TMTC4: variants seen among roughly 807,000 people sequenced by gnomAD.
TMTC4 encodes the protein transmembrane O-mannosyltransferase targeting cadherins 4, also known as protein O-mannosyl-transferase TMTC4.
Under a neutral mutation model 86.0 loss-of-function variants are expected in TMTC4, and 65 were observed. The observed-to-expected ratio is 0.76, with a 90% CI of 0.62 to 0.93. The LOEUF is 0.93. Among genes scored for constraint, TMTC4 ranks in the 40% least tolerant of loss-of-function variants. TMTC4 has a pLI of 0.00. For missense variants in TMTC4, 866 were observed against 948.1 expected (o/e 0.91, Z 1.14); for synonymous variants, 379 against 382.5 (o/e 0.99, Z 0.11).
At chr13:100,632,053 A>ACACTCTCTCTCTCTCTCTCTCT (rs1296569630) in intron 12 of TMTC4, among the ~76,000 whole-genome samples, 14 of 43,102 alleles carry the variant, frequency 3.2e-4, no homozygotes, top group East Asian at 7.9e-4. Context: ...ACACACACAC[A>ACACTCTCTCTCTCTCTCTCTCT]CTCTCTCTCT....
chr13:100,626,387 A>C (rs1044973464), intron 12 of TMTC4, among the ~76,000 whole-genome samples: 1 of 152,232 alleles, frequency 6.6e-6, no homozygotes, highest in African/African-American at 2.4e-5. Context: ...GCACAACAGA[A>C]GGGAAATAAC....
At chr13:100,649,849 T>C (rs562627876) in intron 6 of TMTC4, among the ~76,000 whole-genome samples, 53 of 152,034 alleles carry the variant, frequency 3.5e-4, no homozygotes, top group African/African-American at 9.4e-4. Context: ...TCATTTTAAA[T>C]TTAGAAGTAA....
In TMTC4 at chr13:100,636,763, A is replaced by G. The variant is rs750411498; in HGVS notation, c.1000-29T>C. ...CCAGTCAAAAGGAGAACAAACATCT[A>G]TTTGATACTGAACTTAAAAAACACA... On this transcript the variant is annotated intron_variant, in intron 9 of 18. Coordinates refer to ENST00000342624, the MANE Select transcript of TMTC4 (RefSeq NM_032813.5). 78 of 1,610,880 alleles carry G rather than the reference A, an allele frequency of 4.8e-5. No homozygotes were observed. The South Asian group carries it at 8.5e-4, about 17-fold the overall frequency.
chr13:100,674,982 C>A, upstream of TMTC4: 2 of 985,596 alleles, frequency 2.0e-6, no homozygotes, highest in Non-Finnish European at 2.4e-6. Context: ...CAGCCAAGTC[C>A]CTCCTCAGCT....
intron 6 of TMTC4, among the ~76,000 whole-genome samples, chr13:100,655,016 ATTTTTTTTTT>A (rs35965658): frequency 1.7e-5 from 2 of 118,642 alleles, no homozygotes; most frequent in Admixed American, 9.4e-5. Flanking sequence ...CACAACGCCT[ATTTTTTTTTT>A]TTTTTTTTTT....
At chr13:100,612,744 C>T (rs970026045) in intron 16 of TMTC4, among the ~76,000 whole-genome samples, 1 of 151,800 alleles carries the variant, frequency 6.6e-6, no homozygotes, top group African/African-American at 2.4e-5. Context: ...TCTGACACAA[C>T]ACATAAACAG....
At chr13:100,669,739 A>G (rs181989052) in intron 2 of TMTC4, among the ~76,000 whole-genome samples, 1 of 152,208 alleles carries the variant, frequency 6.6e-6, no homozygotes, top group African/African-American at 2.4e-5. Flanking sequence ...GGAATTCGCC[A>G]AAACAAATCT....
Position 100,634,843 on chromosome 13 carries a change from A to G in TMTC4, c.1468T>C (p.Phe490Leu). ...GGACACACAGACAGAGCACTTCTGAAAAGCTGTTCCTCACTCCGCCACTCG... is the reference window on the plus strand; with the variant it reads ...GGACACACAGACAGAGCACTTCTGAGAAGCTGTTCCTCACTCCGCCACTCG... ...SGEWRSEEQL[F>L]RSALSVCPLN... Residue 490 changes from phenylalanine to leucine, a missense_variant, in exon 12 of 19, where the codon TTC becomes CTC. Transcript: ENST00000342624. The G allele has an allele frequency of 6.2e-7, 1 of 1,614,162 alleles. No individual in the cohort carries two copies.
At chr13:100,666,549 A>C (rs1459661572) in intron 3 of TMTC4, among the ~76,000 whole-genome samples, 1 of 152,174 alleles carries the variant, frequency 6.6e-6, no homozygotes, top group African/African-American at 2.4e-5. Flanking sequence ...CTGGCTGACC[A>C]ACATTTTTCA....
At chr13:100,660,306 A>G (rs1765735) in intron 5 of TMTC4, among the ~76,000 whole-genome samples, 140,033 of 148,964 alleles carry the variant, frequency 0.94, 66,460 homozygotes, top group East Asian at 1. Flanking sequence ...ACTCCAGCCC[A>G]GGTGACAGAG....
chr13:100,644,169 G>A (rs1218858759), intron 6 of TMTC4, among the ~76,000 whole-genome samples: 2 of 144,658 alleles, frequency 1.4e-5, no homozygotes, highest in Admixed American at 1.4e-4. Flanking sequence ...GCAGTGGCAC[G>A]ATCTCGGGTC....
At chr13:100,611,716 T>C (rs373564101) in intron 17 of TMTC4, among the ~76,000 whole-genome samples, 8 of 152,216 alleles carry the variant, frequency 5.3e-5, no homozygotes, top group Non-Finnish European at 7.3e-5. Flanking sequence ...GTGATTCTGA[T>C]AGACAAAATT....
intron 15 of TMTC4, among the ~76,000 whole-genome samples, chr13:100,624,185 G>A (rs1880043985): frequency 6.6e-6 from 1 of 151,792 alleles, no homozygotes; most frequent in South Asian, 2.1e-4. Context: ...CATTAGCCAG[G>A]CATGGTGGCG....
chr13:100,627,130 T>C (rs534568709), intron 12 of TMTC4, among the ~76,000 whole-genome samples: 1 of 152,318 alleles, frequency 6.6e-6, no homozygotes, highest in East Asian at 1.9e-4. Context: ...TCTGGCACCC[T>C]GTCTCTGGTA....
At position 100,651,899 on chromosome 13, in the gene TMTC4, C is replaced by T. The variant is rs1884494305; in HGVS notation, c.640+4482G>A. The stretch of plus-strand genomic sequence containing the variant: ...TGTATCTCAATAAAAAATGACTTGT[C>T]TACCACCGAAGAGTTAGTTTTTATT... On this transcript the variant is annotated intron_variant, in intron 6 of 18. Coordinates refer to ENST00000342624, the MANE Select transcript of TMTC4 (RefSeq NM_032813.5). 2.6e-5 allele frequency among the ~76,000 whole-genome samples: 4 copies of T among 152,146 alleles called. No individual in the cohort carries two copies. The South Asian group carries it at 8.3e-4, about 32-fold the overall frequency.
chr13:100,623,336 G>A (rs1168894832), intron 15 of TMTC4, among the ~76,000 whole-genome samples: 1 of 152,212 alleles, frequency 6.6e-6, no homozygotes, highest in African/African-American at 2.4e-5. Context: ...AGGTTCAAGT[G>A]ATTTTCCTGC....
intron 15 of TMTC4, among the ~76,000 whole-genome samples, chr13:100,614,634 G>T (rs1594237194): frequency 6.6e-6 from 1 of 151,826 alleles, no homozygotes; most frequent in South Asian, 2.1e-4. Flanking sequence ...AAATACTATT[G>T]TTATCCCCAT....
chr13:100,605,041 C>T lies in TMTC4; in HGVS notation c.2236G>A (p.Gly746Ser), dbSNP rs536490277. The T allele has an allele frequency of 1.4e-5, 22 of 1,614,012 alleles. No homozygotes were observed. The highest frequency in any genetic ancestry group is 6.7e-5 in the Admixed American group (4 of 59,976). The change falls in exon 19 of 19, where the codon GGT becomes AGT. Residue 746 changes from glycine to serine, a missense_variant. Physicochemically the swap from Gly to Ser is moderately conservative, Grantham distance 56. Transcript: ENST00000342624. This position sits in a 1 kb window ranked among gnomAD's most constrained non-coding sequence, Gnocchi z 4.3. Reference protein sequence around the residue: ...PTASGTKENYGLLRRKLELMQ... With the variant: ...PTASGTKENYSLLRRKLELMQ... ...AGTTCTAGCTTTCTTCTCAGCAGAC[C>T]GTAATTCTCCTTAGTTCCTGATGCC...
In TMTC4 at chr13:100,670,483, C is replaced by G; in HGVS notation, c.-121G>C. On this transcript the variant is annotated 5_prime_UTR_variant, in exon 2 of 19. It removes an upstream start codon present in the reference 5' UTR. Transcript: ENST00000342624. The stretch of plus-strand genomic sequence containing the variant: ...TCGAGCCTCACAGCCTGGCATACGG[C>G]ATGCTCTCAGCAAGTGCTGGGGGAA... 2 of 1,038,884 alleles carry G rather than the reference C, an allele frequency of 1.9e-6. No individual in the cohort carries two copies. The highest frequency in any genetic ancestry group is 2.7e-5 in the Admixed American group (1 of 36,452). 64.4% of individuals were successfully genotyped at this position (1,038,884 alleles called of 1,614,324 possible). A position where few individuals can be genotyped will look rare whatever the true frequency, so the allele number is the denominator to read the frequency against.
Sources: allele counts gnomAD v4.1 joint callset (sites outside exome capture counted in the v4.1 genomes callset), GRCh38; gene constraint gnomAD v4.1.1; non-coding constraint Gnocchi (gnomAD v3.1); transcripts MANE v1.5; gene names NCBI Gene and HGNC (gene_info 2026-07-23, HGNC 2026-07-21).